COL25A1: variants seen among roughly 807,000 people sequenced by gnomAD.
The protein encoded by COL25A1 is collagen alpha-1(XXV) chain.
Under a neutral mutation model 128.4 loss-of-function variants are expected in COL25A1, and 103 were observed. That is an observed-to-expected ratio of 0.80 (90% confidence interval 0.68 to 0.94). The LOEUF (loss-of-function observed/expected upper bound fraction) is 0.94. Among genes scored for constraint, COL25A1 ranks in the 40% least tolerant of loss-of-function variants. COL25A1 has a pLI of 0.00. For synonymous variants in COL25A1, 279 were observed against 277.2 expected (o/e 1.01, Z -0.06); for missense variants, 745 against 840.0 (o/e 0.89, Z 1.40).
intron 3 of COL25A1, among the ~76,000 whole-genome samples, chr4:109,077,201 A>G (rs1763452744): frequency 6.6e-6 from 1 of 152,238 alleles, no homozygotes; most frequent in South Asian, 2.1e-4. Context: ...AGGACGCATT[A>G]AAGTCATACA....
At chr4:109,262,222 G>C (rs953425709) in intron 3 of COL25A1, among the ~76,000 whole-genome samples, 5 of 151,866 alleles carry the variant, frequency 3.3e-5, no homozygotes, top group Non-Finnish European at 5.9e-5. Flanking sequence ...AGCTCTAAAA[G>C]CCTTCTACAG....
chr4:109,040,026 T>C (rs868667508), intron 5 of COL25A1, among the ~76,000 whole-genome samples: 2 of 152,202 alleles, frequency 1.3e-5, no homozygotes. Flanking sequence ...TTTAACCCTA[T>C]GCAAATCTTA....
At chr4:109,052,444 T>C (rs1761084674) in intron 3 of COL25A1, among the ~76,000 whole-genome samples, 1 of 152,146 alleles carries the variant, frequency 6.6e-6, no homozygotes, top group African/African-American at 2.4e-5. Context: ...ACAAAGCATG[T>C]CATAATATTT....
intron 3 of COL25A1, among the ~76,000 whole-genome samples, chr4:109,130,868 C>T (rs1300830715): frequency 6.6e-6 from 1 of 152,122 alleles, no homozygotes; most frequent in Non-Finnish European, 1.5e-5. Context: ...ATTTATATTG[C>T]ATATTACTAA....
At chr4:109,301,604 G>A (rs1387961765) in intron 2 of COL25A1, 119 bp downstream of exon 2, 2 of 1,113,778 alleles carry the variant, frequency 1.8e-6, no homozygotes, top group East Asian at 4.7e-5. Context: ...ACATGCACGC[G>A]CGCGCACACA....
chr4:108,953,464 T>C (rs1749693751), intron 8 of COL25A1, among the ~76,000 whole-genome samples: 1 of 152,206 alleles, frequency 6.6e-6, no homozygotes, highest in South Asian at 2.1e-4. Flanking sequence ...ATTATTTTTA[T>C]ATTTGATGTC....
chr4:109,159,599 T>C (rs2126115423), intron 3 of COL25A1, among the ~76,000 whole-genome samples: 1 of 152,250 alleles, frequency 6.6e-6, no homozygotes, highest in South Asian at 2.1e-4. Context: ...GTACGAAGCA[T>C]GGTTCACAAT....
chr4:108,850,868 G>A (rs1735686561), intron 26 of COL25A1, among the ~76,000 whole-genome samples: 2 of 152,070 alleles, frequency 1.3e-5, no homozygotes, highest in African/African-American at 4.8e-5. Flanking sequence ...TTTTTACCTA[G>A]GAGGTCCTTT....
intron 26 of COL25A1, among the ~76,000 whole-genome samples, chr4:108,850,906 C>T (rs1330130148): frequency 6.6e-6 from 1 of 151,904 alleles, no homozygotes; most frequent in Non-Finnish European, 1.5e-5. Flanking sequence ...AGAATGGGTG[C>T]CTTTGGGGCT....
intron 32 of COL25A1, among the ~76,000 whole-genome samples, chr4:108,828,225 C>T (rs529844912): frequency 2.0e-5 from 3 of 152,290 alleles, no homozygotes; most frequent in Non-Finnish European, 4.4e-5. Context: ...ACTGCAACCT[C>T]CACCTCCCAG....
At chr4:108,866,609 C>T (rs1267820729) in intron 20 of COL25A1, among the ~76,000 whole-genome samples, 1 of 152,202 alleles carries the variant, frequency 6.6e-6, no homozygotes, top group African/African-American at 2.4e-5. Flanking sequence ...TCTCTCCTCA[C>T]TGTGTTGGGA....
At chr4:109,011,328 G>T (rs192742300) in intron 5 of COL25A1, among the ~76,000 whole-genome samples, 1 of 152,272 alleles carries the variant, frequency 6.6e-6, no homozygotes, top group African/African-American at 2.4e-5. Context: ...GTCTCTCTTA[G>T]CCTCTCTCCA....
At chr4:109,268,656 C>T (rs998532139) in intron 3 of COL25A1, among the ~76,000 whole-genome samples, 10 of 152,154 alleles carry the variant, frequency 6.6e-5, no homozygotes, top group Admixed American at 2.6e-4. Flanking sequence ...ATGTCAATCA[C>T]GATAACCTAA....
intron 3 of COL25A1, among the ~76,000 whole-genome samples, chr4:109,297,756 T>A (rs1725111367): frequency 1.3e-5 from 2 of 150,748 alleles, no homozygotes; most frequent in African/African-American, 4.9e-5. Flanking sequence ...TATAATATAC[T>A]AAAAAGAATA....
At chr4:109,066,169 T>C in intron 3 of COL25A1, among the ~76,000 whole-genome samples, 1 of 152,142 alleles carries the variant, frequency 6.6e-6, no homozygotes, top group East Asian at 1.9e-4. Flanking sequence ...AATGAAATGA[T>C]TACCCTAAAT....
At chr4:108,883,729 A>C (rs534124577) in intron 19 of COL25A1, among the ~76,000 whole-genome samples, 1 of 152,328 alleles carries the variant, frequency 6.6e-6, no homozygotes, top group Admixed American at 6.5e-5. Flanking sequence ...ATAATTACTG[A>C]GAGGAAGTAG....
intron 3 of COL25A1, among the ~76,000 whole-genome samples, chr4:109,270,955 A>T (rs1782153796): frequency 6.6e-6 from 1 of 152,170 alleles, no homozygotes; most frequent in African/African-American, 2.4e-5. Flanking sequence ...AATTCTTAAC[A>T]GATATTAGCC....
intron 3 of COL25A1, among the ~76,000 whole-genome samples, chr4:109,145,357 G>A (rs1002552001): frequency 9.9e-5 from 15 of 152,184 alleles, no homozygotes; most frequent in South Asian, 8.3e-4. Flanking sequence ...ATGAGCCACC[G>A]TGCCCGGCCA....
intron 3 of COL25A1, among the ~76,000 whole-genome samples, chr4:109,094,423 C>G (rs1408336514): frequency 6.6e-6 from 1 of 152,166 alleles, no homozygotes; most frequent in Non-Finnish European, 1.5e-5. Context: ...CTGTAATCTT[C>G]TTGAACATTC....
Sources: allele counts gnomAD v4.1 joint callset (sites outside exome capture counted in the v4.1 genomes callset), GRCh38; gene constraint gnomAD v4.1.1; transcripts MANE v1.5; gene names NCBI Gene and HGNC (gene_info 2026-07-23, HGNC 2026-07-21).